Variants in ZNF410 observed in about 807,000 individuals in gnomAD.
ZNF410 encodes zinc finger protein 410.
Under a neutral mutation model 54.8 loss-of-function variants are expected in ZNF410, and 18 were observed. The ratio of observed to expected loss-of-function variants is 0.33; its 90% confidence interval spans 0.23 to 0.49. The LOEUF (loss-of-function observed/expected upper bound fraction) is 0.49. ZNF410 is among the 20% of genes least tolerant of loss of function. The pLI, the probability that ZNF410 is intolerant of heterozygous loss-of-function variation, is 0.99. For missense variants in ZNF410, 405 were observed against 569.6 expected (o/e 0.71, Z 2.94); for synonymous variants, 191 against 207.3 (o/e 0.92, Z 0.68).
Position 73,893,890 on chromosome 14 carries a change from C to G in ZNF410, c.127C>G (p.Pro43Ala), listed in dbSNP as rs779715464. Residue 43 changes from proline to alanine, a missense_variant, in exon 3 of 12, where the codon CCC becomes GCC. Pro to Ala is a conservative substitution (Grantham distance 27, BLOSUM62 -1). Coordinates refer to ENST00000555044, the MANE Select transcript of ZNF410 (RefSeq NM_021188.3). ...AGATATTACTTGCTTGTCCCTCCTT[C>G]CCGTGACTGAAGCCTCAGAATGCAG... ...AKDITCLSLL[P>A]VTEASECSRL... is the part of the protein sequence containing the mutation. 3.7e-6 allele frequency: 6 copies of G among 1,613,874 alleles called. No individual in the cohort carries two copies. The highest frequency in any genetic ancestry group is 1.3e-5 in the African/African-American group (1 of 74,938).
chr14:73,909,615 G>GT, intron 8 of ZNF410, 185 bp downstream of exon 8: 1 of 472,408 alleles, frequency 2.1e-6, no homozygotes, highest in Non-Finnish European at 3.8e-6. Flanking sequence ...GTTGGGGGGG[G>GT]GACATCTAAT....
At chr14:73,923,289 A>C in intron 10 of ZNF410, 106 bp from the exon 11 acceptor site, 2 of 1,270,598 alleles carry the variant, frequency 1.6e-6, no homozygotes, top group South Asian at 3.6e-5. Context: ...GGAATGTGGG[A>C]AATAGAGGAA....
At chr14:73,906,060 G>A (rs913660074) in intron 7 of ZNF410, among the ~76,000 whole-genome samples, 1 of 149,606 alleles carries the variant, frequency 6.7e-6, no homozygotes, top group Non-Finnish European at 1.5e-5. Context: ...GTGCAGTGGC[G>A]AGATCTCGGC....
At chr14:73,928,792 T>C (rs571290530) in intron 11 of ZNF410, among the ~76,000 whole-genome samples, 2 of 151,990 alleles carry the variant, frequency 1.3e-5, no homozygotes, top group African/African-American at 4.8e-5. Flanking sequence ...AAAAGTTTTT[T>C]AAAAAATTAT....
At chr14:73,917,497 T>C (rs769319988) in intron 8 of ZNF410, among the ~76,000 whole-genome samples, 1 of 152,160 alleles carries the variant, frequency 6.6e-6, no homozygotes, top group African/African-American at 2.4e-5. Flanking sequence ...AGTTGAGATA[T>C]AGTTCACATA....
intron 11 of ZNF410, 75 bp downstream of exon 11, chr14:73,923,597 A>G (rs1394449899): frequency 6.6e-7 from 1 of 1,524,210 alleles, no homozygotes; most frequent in African/African-American, 1.4e-5. Context: ...GGACCTGAAA[A>G]AGTCTCCAGT....
chr14:73,913,811 C>CTT (rs35916984), intron 8 of ZNF410: 76,574 of 151,942 alleles, frequency 0.5, 19,371 homozygotes, highest in South Asian at 0.61. Context: ...GAAATGGAGT[C>CTT]TTTGTGTTGC....
intron 9 of ZNF410, among the ~76,000 whole-genome samples, chr14:73,921,489 AT>A (rs2055753857): frequency 1.3e-5 from 2 of 152,050 alleles, no homozygotes; most frequent in African/African-American, 4.8e-5. Flanking sequence ...AAGCTTTTTA[AT>A]TTTTTTAGAT....
At chr14:73,894,302 C>T (rs1396884605) in intron 3 of ZNF410, 4 of 700,080 alleles carry the variant, frequency 5.7e-6, no homozygotes, top group African/African-American at 5.3e-5. Context: ...GTATCAAATG[C>T]TACTGACAGG....
At position 73,924,707 on chromosome 14, in the gene ZNF410, C is replaced by T. The variant is rs1332628218; in HGVS notation, c.1398+1185C>T. The T allele has an allele frequency of 1.6e-5, 7 of 444,720 alleles. No individual in the cohort carries two copies. In the East Asian group the frequency reaches 2.1e-4, roughly 13 times the overall value. The allele number at this position is 444,720 out of a possible 1,614,324, so 27.5% of individuals were successfully genotyped here. A position where few individuals can be genotyped will look rare whatever the true frequency, so the allele number is the denominator to read the frequency against. On this transcript the variant is annotated intron_variant, in intron 11 of 11. Transcript: ENST00000555044. ...TCTTTTTTTTTTTGAGACAGAGTCT[C>T]GCTCCGTTGCCCAGGCTGGAGTGCA...
chr14:73,903,868 C>A, intron 5 of ZNF410, 92 bp from the exon 6 acceptor site: 1 of 1,480,208 alleles, frequency 6.8e-7, no homozygotes, highest in Non-Finnish European at 9.2e-7. Flanking sequence ...GATTAATGAT[C>A]ACTAGGAGTA....
At position 73,909,449 on chromosome 14, in the gene ZNF410, T is replaced by C; in HGVS notation, c.1003+19T>C. On this transcript the variant is annotated intron_variant, in intron 8 of 11. Transcript: ENST00000555044. ...CACTCAGGTATCAGAACCTCTGCCA[T>C]TCATAGATTTTAGGAAAAGTAGACA... 6.2e-7 allele frequency: 1 copy of C among 1,603,230 alleles called. No individual in the cohort carries two copies. The highest frequency in any genetic ancestry group is 8.5e-7 in the Non-Finnish European group (1 of 1,172,848).
Position 73,931,566 on chromosome 14 carries a change from G to A in ZNF410, c.*25G>A. On this transcript the variant is annotated 3_prime_UTR_variant, in exon 12 of 12. Transcript: ENST00000555044. The stretch of plus-strand genomic sequence containing the variant: ...AGCGTGGGTGCTGACTCCTGGAAGA[G>A]CAACTCTATCTGATCTCAAAATGCG... The A allele has an allele frequency of 1.2e-6, 2 of 1,609,192 alleles. No homozygotes were observed. The highest frequency in any genetic ancestry group is 1.7e-6 in the Non-Finnish European group (2 of 1,177,548).
Position 73,932,170 on chromosome 14 carries a change from C to CAT in ZNF410, c.*631_*632dup, listed in dbSNP as rs2055926342. The CAT allele has an allele frequency of 8.4e-6, 3 of 355,844 alleles. No individual in the cohort carries two copies. 22.0% of individuals were successfully genotyped at this position (355,844 alleles called of 1,614,324 possible). A position where few individuals can be genotyped will look rare whatever the true frequency, so the allele number is the denominator to read the frequency against. ...CACTTTGCTTTCTTCGTTAATGGAA[C>CAT]ATACAGTAGCATGTTAAGAGGGATT... On this transcript the variant is annotated 3_prime_UTR_variant, in exon 12 of 12. Transcript: ENST00000555044.
intron 8 of ZNF410, 144 bp downstream of exon 8, chr14:73,909,574 G>T: frequency 3.5e-6 from 2 of 563,698 alleles, no homozygotes; most frequent in Non-Finnish European, 3.1e-6. Flanking sequence ...GACAGAATCA[G>T]AAATCAAGGC....
chr14:73,923,412 TC>T lies in ZNF410; in HGVS notation c.1292del (p.Pro431HisfsTer10). The T allele has an allele frequency of 6.2e-7, 1 of 1,613,246 alleles. No individual in the cohort carries two copies. The highest frequency in any genetic ancestry group is 8.5e-7 in the Non-Finnish European group (1 of 1,179,706). ...GVDDEVLAEG[S>X]PRSLSSVPDV... Reference sequence around the variant, plus strand: ...CTTCACAGAGGTGCTTGCTGAAGGATCCCCACGTTCCCTGTCTTCAGTGCCT... The same window carrying T: ...CTTCACAGAGGTGCTTGCTGAAGGATCCCACGTTCCCTGTCTTCAGTGCCT... On this transcript the variant is annotated frameshift_variant, in exon 11 of 12. Coordinates refer to ENST00000555044, the MANE Select transcript of ZNF410 (RefSeq NM_021188.3). LOFTEE classifies it high-confidence loss of function.
chr14:73,919,246 C>T lies in ZNF410; in HGVS notation c.1004-1734C>T, dbSNP rs527341076. ...TCCTGACCTCAAGTAATCTGCCCGC[C>T]TCGGCCTCCCAAAGTGCTGGGATTA... On this transcript the variant is annotated intron_variant, in intron 8 of 11. Transcript: ENST00000555044. Among the ~76,000 whole-genome samples, 14 of 152,008 alleles carry T rather than the reference C, an allele frequency of 9.2e-5. No homozygotes were observed. In the South Asian group the frequency reaches 1.2e-3, roughly 14 times the overall value.
intron 5 of ZNF410, among the ~76,000 whole-genome samples, chr14:73,899,009 G>C (rs1705907313): frequency 1.3e-5 from 2 of 152,150 alleles, no homozygotes; most frequent in Non-Finnish European, 2.9e-5. Flanking sequence ...AGCATGTCAT[G>C]GATACTTTTT....
At chr14:73,898,864 A>G (rs574095430) in intron 5 of ZNF410, among the ~76,000 whole-genome samples, 1 of 152,352 alleles carries the variant, frequency 6.6e-6, no homozygotes, top group South Asian at 2.1e-4. Flanking sequence ...TGGATCATTG[A>G]CGTCACGTGG....
Sources: gnomAD v4.1 joint callset for allele counts (sites outside exome capture counted in the v4.1 genomes callset) on GRCh38, gnomAD v4.1.1 for gene constraint, MANE v1.5 for transcripts, NCBI Gene and HGNC (gene_info 2026-07-23, HGNC 2026-07-21) for gene names.